The following LRP1B variants were observed in gnomAD, a reference collection of about 807,000 sequenced individuals.
LRP1B encodes the protein low-density lipoprotein receptor-related protein 1B.
In LRP1B, 217 loss-of-function variants were observed where a neutral mutation model predicts 556.6. The observed-to-expected ratio is 0.39, with a 90% CI of 0.35 to 0.44. The LOEUF is 0.44. LRP1B is among the 20% of genes least tolerant of loss of function. LRP1B has a pLI of 1.00. For synonymous variants in LRP1B, 2,047 were observed against 1,865.8 expected, an observed-to-expected ratio of 1.10 and a Z score of -2.50; for missense variants, 5,053 against 5,620.8, an observed-to-expected ratio of 0.90 and a Z score of 3.23.
At chr2:141,995,885 G>A (rs1222566452) in intron 1 of LRP1B, among the ~76,000 whole-genome samples, 1 of 152,150 alleles carries the variant, frequency 6.6e-6, no homozygotes, top group Non-Finnish European at 1.5e-5. Flanking sequence ...TGCATACAAT[G>A]TGGGTTTTAA....
chr2:141,333,713 A>G (rs1235568244), intron 3 of LRP1B, among the ~76,000 whole-genome samples: 6 of 152,222 alleles, frequency 3.9e-5, no homozygotes, highest in African/African-American at 1.4e-4. Flanking sequence ...ATTTACTAGG[A>G]CCAACTTATA....
rs374105345 is a variant in LRP1B at position 142,067,281 on chromosome 2, T to C, written c.82+63367A>G. On this transcript the variant is annotated intron_variant, in intron 1 of 90. Transcript: ENST00000389484. ...GTAAGGTAATATATTTATAGTTTTC[T>C]GACCCTAGGACCCAGATATCTTTGA... Among the ~76,000 whole-genome samples, 4 of 151,654 alleles carry C rather than the reference T, an allele frequency of 2.6e-5. No homozygotes were observed. In the East Asian group the frequency reaches 7.8e-4, roughly 29 times the overall value.
chr2:140,759,197 G>A (rs1394149757), intron 35 of LRP1B, among the ~76,000 whole-genome samples: 1 of 151,952 alleles, frequency 6.6e-6, no homozygotes, highest in East Asian at 1.9e-4. Flanking sequence ...TAGCCTATAG[G>A]TTGTTATTGT....
In LRP1B at chr2:140,336,113, C is replaced by T. The variant is rs150371539; in HGVS notation, c.11893-275G>A. Among the ~76,000 whole-genome samples, 18 of 152,010 alleles carry T rather than the reference C, an allele frequency of 1.2e-4. No individual in the cohort carries two copies. In the East Asian group the frequency reaches 2.1e-3, roughly 18 times the overall value. On this transcript the variant is annotated intron_variant, in intron 77 of 90. Coordinates refer to ENST00000389484, the MANE Select transcript of LRP1B (RefSeq NM_018557.3). ...TTTCCAGAACCATAGGAGGTTCACC[C>T]GTGACTTCCTGCAGTCAATATTTTC... is the stretch of plus-strand genomic sequence containing the variant.
chr2:141,411,748 G>T (rs1458192747), intron 3 of LRP1B, among the ~76,000 whole-genome samples: 1 of 151,922 alleles, frequency 6.6e-6, no homozygotes, highest in Non-Finnish European at 1.5e-5. Context: ...TATTATCAGA[G>T]ACAAGGAAAA....
intron 1 of LRP1B, among the ~76,000 whole-genome samples, chr2:142,003,338 T>C (rs908424968): frequency 6.6e-6 from 1 of 152,246 alleles, no homozygotes; most frequent in African/African-American, 2.4e-5. Flanking sequence ...TGGGTAATTT[T>C]GTGCAAATTA....
At chr2:141,043,486 G>A (rs1313461800) in intron 11 of LRP1B, among the ~76,000 whole-genome samples, 1 of 151,794 alleles carries the variant, frequency 6.6e-6, no homozygotes, top group Non-Finnish European at 1.5e-5. Context: ...TTTGTATTAT[G>A]TAAAACAGTG....
chr2:141,648,633 G>C (rs1689672042), intron 2 of LRP1B, among the ~76,000 whole-genome samples: 1 of 152,178 alleles, frequency 6.6e-6, no homozygotes, highest in African/African-American at 2.4e-5. Context: ...CCAATGCCTA[G>C]TATAATCCAT....
chr2:140,384,633 T>A (rs1313642338), intron 67 of LRP1B, among the ~76,000 whole-genome samples: 4 of 152,222 alleles, frequency 2.6e-5, no homozygotes, highest in African/African-American at 9.6e-5. Flanking sequence ...CAGGTCTGAT[T>A]AAGTTTTGAA....
intron 66 of LRP1B, among the ~76,000 whole-genome samples, chr2:140,423,351 GGAAA>G (rs1167547575): frequency 6.6e-6 from 1 of 151,788 alleles, no homozygotes; most frequent in Non-Finnish European, 1.5e-5. Context: ...CATAAAATAA[GGAAA>G]GAAAAGGAAA....
At chr2:141,960,245 A>T (rs1701363093) in intron 1 of LRP1B, among the ~76,000 whole-genome samples, 1 of 151,800 alleles carries the variant, frequency 6.6e-6, no homozygotes, top group South Asian at 2.1e-4. Context: ...GATTTTTCTG[A>T]AGTCTCACAG....
chr2:140,522,577 G>T (rs1433036368), intron 49 of LRP1B, among the ~76,000 whole-genome samples: 3 of 151,472 alleles, frequency 2.0e-5, no homozygotes, highest in Non-Finnish European at 3.0e-5. Flanking sequence ...CAGAGCAGAA[G>T]AAAATAAAAT....
Position 141,822,116 on chromosome 2 carries a change from C to CAGAG in LRP1B, c.83-11716_83-11715insCTCT, listed in dbSNP as rs1178777835. On this transcript the variant is annotated intron_variant, in intron 1 of 90. Coordinates refer to ENST00000389484, the MANE Select transcript of LRP1B (RefSeq NM_018557.3). ...ATACACACACACACACACACACACA[C>CAGAG]ACACACACACACACAGAGAGAGAGA... is the stretch of plus-strand genomic sequence containing the variant. Among the ~76,000 whole-genome samples the CAGAG allele has an allele frequency of 3.3e-3, 333 of 102,176 alleles. 1 individual carries two copies. The highest frequency in any genetic ancestry group is 0.014 in the African/African-American group (292 of 21,602). The allele number at this position is 102,176 out of a possible 152,430, so 67.0% of individuals were successfully genotyped here. A position where few individuals can be genotyped will look rare whatever the true frequency, so the allele number is the denominator to read the frequency against.
At chr2:141,435,434 T>A (rs1680727364) in intron 3 of LRP1B, among the ~76,000 whole-genome samples, 1 of 152,034 alleles carries the variant, frequency 6.6e-6, no homozygotes, top group South Asian at 2.1e-4. Flanking sequence ...AACTTCCTTT[T>A]AATTGCTCTC....
chr2:141,099,232 A>G (rs934964010), intron 7 of LRP1B, among the ~76,000 whole-genome samples: 1 of 152,234 alleles, frequency 6.6e-6, no homozygotes, highest in Non-Finnish European at 1.5e-5. Flanking sequence ...TCTGCCTGAA[A>G]AAAACTCTTA....
chr2:141,363,117 T>G (rs947849577), intron 3 of LRP1B, among the ~76,000 whole-genome samples: 1 of 152,210 alleles, frequency 6.6e-6, no homozygotes, highest in Non-Finnish European at 1.5e-5. Flanking sequence ...CAAAATGCTT[T>G]GTACATCTTC....
chr2:140,969,947 C>T (rs1472918559), intron 18 of LRP1B, among the ~76,000 whole-genome samples: 1 of 152,114 alleles, frequency 6.6e-6, no homozygotes, highest in African/African-American at 2.4e-5. Context: ...TCTCTGGCCG[C>T]CCTTAACATT....
At chr2:141,503,070 T>C (rs940650679) in intron 2 of LRP1B, among the ~76,000 whole-genome samples, 28 of 149,638 alleles carry the variant, frequency 1.9e-4, no homozygotes, top group Admixed American at 1.5e-3. Flanking sequence ...TACATATAAA[T>C]AGAAGAATTT....
chr2:140,693,213 A>G (rs1686307623), intron 41 of LRP1B, among the ~76,000 whole-genome samples: 1 of 152,196 alleles, frequency 6.6e-6, no homozygotes, highest in Admixed American at 6.5e-5. Context: ...GAGAGACTAC[A>G]AATTTATATT....
Sources: allele counts gnomAD v4.1 joint callset (sites outside exome capture counted in the v4.1 genomes callset), GRCh38; gene constraint gnomAD v4.1.1; transcripts MANE v1.5; gene names NCBI Gene and HGNC (gene_info 2026-07-23, HGNC 2026-07-21).